Variants in CALCRL observed in about 807,000 individuals in gnomAD.
CALCRL encodes the protein calcitonin gene-related peptide type 1 receptor.
In CALCRL, 27 loss-of-function variants were observed where a neutral mutation model predicts 60.4. The observed-to-expected ratio is 0.45, with a 90% CI of 0.33 to 0.62. The LOEUF (loss-of-function observed/expected upper bound fraction) is 0.62. Ranked by LOEUF, CALCRL falls within the 20% of genes least tolerant of loss-of-function variation. The pLI is 0.03. For synonymous variants in CALCRL, 190 were observed against 182.6 expected, an observed-to-expected ratio of 1.04 and a Z score of -0.33; for missense variants, 424 against 540.7, an observed-to-expected ratio of 0.78 and a Z score of 2.14.
At chr2:187,352,509 TAAC>T (rs1393178265) in intron 12 of CALCRL, among the ~76,000 whole-genome samples, 177 bp from the exon 13 acceptor site, 5 of 151,888 alleles carry the variant, frequency 3.3e-5, no homozygotes, top group Admixed American at 1.3e-4. Context: ...TTTATCAATT[TAAC>T]AAGTACATCA....
intron 1 of CALCRL, among the ~76,000 whole-genome samples, chr2:187,431,918 A>G (rs1559077219): frequency 6.6e-6 from 1 of 152,134 alleles, no homozygotes; most frequent in Admixed American, 6.6e-5. Flanking sequence ...AAGAGGTGGT[A>G]TATGAGCAGT....
intron 1 of CALCRL, chr2:187,415,737 T>C: frequency 1.9e-6 from 1 of 527,276 alleles, no homozygotes; most frequent in Non-Finnish European, 3.5e-6. Flanking sequence ...GTGAGGGGGC[T>C]GGCATTGCTC....
intron 8 of CALCRL, among the ~76,000 whole-genome samples, chr2:187,375,635 A>G (rs1687726104): frequency 6.6e-6 from 1 of 152,278 alleles, no homozygotes; most frequent in Non-Finnish European, 1.5e-5. Flanking sequence ...TATTTTTCTA[A>G]AAAATTGGCC....
intron 8 of CALCRL, among the ~76,000 whole-genome samples, chr2:187,369,030 A>G (rs1015752798): frequency 2.0e-5 from 3 of 152,164 alleles, no homozygotes; most frequent in Admixed American, 6.6e-5. Flanking sequence ...AGATTAGGCC[A>G]GATTAGAAAG....
chr2:187,423,595 A>G (rs1343926720), intron 1 of CALCRL, among the ~76,000 whole-genome samples: 1 of 152,030 alleles, frequency 6.6e-6, no homozygotes, highest in African/African-American at 2.4e-5. Flanking sequence ...AATTTACTCT[A>G]AAGTATTTTG....
rs774354187 is a variant in CALCRL at position 187,380,661 on chromosome 2, A to ACAT, written c.295+13_295+15dup. The ACAT allele has an allele frequency of 1.6e-5, 26 of 1,600,072 alleles. No homozygotes were observed. In the African/African-American group the frequency reaches 2.7e-4, roughly 16 times the overall value. On this transcript the variant is annotated intron_variant, in intron 6 of 14. Coordinates refer to ENST00000392370, the MANE Select transcript of CALCRL (RefSeq NM_005795.6). ...ATAGATGTCAAGGAGATATGTAGAT[A>ACAT]CATTTCTGCTTTTACCTGATGGATC...
chr2:187,425,549 T>C (rs2105881895), intron 1 of CALCRL, among the ~76,000 whole-genome samples: 1 of 152,118 alleles, frequency 6.6e-6, no homozygotes, highest in South Asian at 2.1e-4. Flanking sequence ...GTAAGTGAAG[T>C]TTATGAAATA....
In CALCRL at chr2:187,359,090, G is replaced by A; in HGVS notation, c.882C>T (p.Ile294=). Residue 294 remains isoleucine (I), a synonymous_variant, in exon 12 of 15, where the codon ATC becomes ATT. Coordinates refer to ENST00000392370, the MANE Select transcript of CALCRL (RefSeq NM_005795.6). The part of the protein sequence containing the change: ...ISSDTHLLYI[I]HGPICAALLV... ...GTAAAGCAGCACAAATTGGGCCATGGATAATGTAGAGGAGATGGGTATCAG... is the reference window on the plus strand; with the variant it reads ...GTAAAGCAGCACAAATTGGGCCATGAATAATGTAGAGGAGATGGGTATCAG... 6.2e-7 allele frequency: 1 copy of A among 1,613,158 alleles called. No homozygotes were observed. The highest frequency in any genetic ancestry group is 1.3e-5 in the African/African-American group (1 of 74,988).
intron 1 of CALCRL, among the ~76,000 whole-genome samples, chr2:187,446,571 T>G (rs556680147): frequency 6.6e-6 from 1 of 151,840 alleles, no homozygotes; most frequent in African/African-American, 2.4e-5. Flanking sequence ...TAATCTGAAT[T>G]AAAAATAATG....
intron 1 of CALCRL, among the ~76,000 whole-genome samples, chr2:187,438,492 A>G (rs543345235): frequency 6.6e-6 from 1 of 152,076 alleles, no homozygotes; most frequent in South Asian, 2.1e-4. Context: ...TCTGCTATAG[A>G]TGTTTTTAGA....
At chr2:187,371,719 G>A (rs972193276) in intron 8 of CALCRL, among the ~76,000 whole-genome samples, 1 of 133,536 alleles carries the variant, frequency 7.5e-6, no homozygotes, top group Non-Finnish European at 1.6e-5. Context: ...CTGGGCGACA[G>A]AGCAAGACTC....
At chr2:187,393,835 A>AT (rs765486797) in intron 1 of CALCRL, among the ~76,000 whole-genome samples, 1 of 152,028 alleles carries the variant, frequency 6.6e-6, no homozygotes, top group Admixed American at 6.6e-5. Flanking sequence ...AGGAACAAGC[A>AT]TTTTTTCAAG....
intron 1 of CALCRL, among the ~76,000 whole-genome samples, chr2:187,445,214 T>C (rs1475190782): frequency 6.6e-6 from 1 of 151,706 alleles, no homozygotes; most frequent in African/African-American, 2.4e-5. Context: ...CATAAGAGCG[T>C]CTTTCATTAA....
At chr2:187,410,764 A>G (rs1353656505) in intron 1 of CALCRL, among the ~76,000 whole-genome samples, 3 of 152,156 alleles carry the variant, frequency 2.0e-5, no homozygotes, top group Non-Finnish European at 4.4e-5. Context: ...GGGGATCATG[A>G]GGTACTATGG....
At chr2:187,361,945 A>G (rs1687073393) in intron 9 of CALCRL, among the ~76,000 whole-genome samples, 1 of 152,022 alleles carries the variant, frequency 6.6e-6, no homozygotes, top group African/African-American at 2.4e-5. Context: ...ACAGCATTAT[A>G]TTAAAGTTCA....
At chr2:187,355,185 A>G (rs774777324) in intron 12 of CALCRL, among the ~76,000 whole-genome samples, 6 of 152,112 alleles carry the variant, frequency 3.9e-5, no homozygotes, top group Non-Finnish European at 5.9e-5. Flanking sequence ...ATGAGAAAAC[A>G]AAGACACAGA....
intron 14 of CALCRL, among the ~76,000 whole-genome samples, chr2:187,350,005 T>G (rs562246672): frequency 6.6e-6 from 1 of 151,764 alleles, no homozygotes; most frequent in African/African-American, 2.4e-5. Context: ...TGTAGAGAAC[T>G]TGCTTTAATT....
chr2:187,357,512 G>A (rs1686848588), intron 12 of CALCRL, among the ~76,000 whole-genome samples: 1 of 149,940 alleles, frequency 6.7e-6, no homozygotes, highest in South Asian at 2.1e-4. Context: ...GGGGGGTGGG[G>A]GTGAGGGGAG....
intron 8 of CALCRL, among the ~76,000 whole-genome samples, chr2:187,364,705 T>A (rs1285655918): frequency 6.6e-6 from 1 of 152,172 alleles, no homozygotes; most frequent in Non-Finnish European, 1.5e-5. Flanking sequence ...TTACCTTTCT[T>A]CCAGCCACAG....
Sources: allele counts gnomAD v4.1 joint callset (sites outside exome capture counted in the v4.1 genomes callset), GRCh38; gene constraint gnomAD v4.1.1; transcripts MANE v1.5; gene names NCBI Gene and HGNC (gene_info 2026-07-23, HGNC 2026-07-21).